The following MECOM variants were observed in gnomAD, a reference collection of about 807,000 sequenced individuals.
The protein encoded by MECOM is MDS1 and EVI1 complex locus.
A neutral mutation model predicts 116.3 loss-of-function variants in MECOM; 13 were observed. That is an observed-to-expected ratio of 0.11 (90% CI 0.07 to 0.18). The LOEUF is 0.18. MECOM is among the 10% of genes least tolerant of loss of function. The pLI is 1.00. For missense variants in MECOM, 1,299 were observed against 1,509.0 expected (o/e 0.86, Z 2.31); for synonymous variants, 528 against 535.2 (o/e 0.99, Z 0.19).
At chr3:169,240,558 T>C (rs1577438819) in intron 2 of MECOM, among the ~76,000 whole-genome samples, 1 of 152,220 alleles carries the variant, frequency 6.6e-6, no homozygotes, top group African/African-American at 2.4e-5. Flanking sequence ...GTCCTCTTTG[T>C]CCTGTTGAGA....
chr3:169,282,698 G>A (rs966516708), intron 2 of MECOM, among the ~76,000 whole-genome samples: 4 of 152,100 alleles, frequency 2.6e-5, no homozygotes, highest in Non-Finnish European at 5.9e-5. Flanking sequence ...ATCTAGAGCT[G>A]TAGTCCTCAA....
chr3:169,326,837 A>G (rs1414778857), intron 2 of MECOM, among the ~76,000 whole-genome samples: 1 of 152,190 alleles, frequency 6.6e-6, no homozygotes, highest in Non-Finnish European at 1.5e-5. Context: ...AAGTACACAT[A>G]TGTTTAATAC....
chr3:169,648,229 T>C (rs1774423006), intron 1 of MECOM, among the ~76,000 whole-genome samples: 1 of 152,220 alleles, frequency 6.6e-6, no homozygotes, highest in African/African-American at 2.4e-5. Context: ...CATTATGCTG[T>C]ATTAGGTATC....
chr3:169,475,595 C>T (rs116648448), intron 1 of MECOM, among the ~76,000 whole-genome samples: 4,568 of 150,892 alleles, frequency 0.03, 109 homozygotes, highest in Non-Finnish European at 0.048. Context: ...TTTTTTTTTC[C>T]GAATCTAATA....
In MECOM at chr3:169,390,338, C is replaced by T. The variant is rs1466248281; in HGVS notation, c.38-8814G>A. Among the ~76,000 whole-genome samples the T allele has an allele frequency of 2.0e-5, 3 of 152,178 alleles. No homozygotes were observed. In the East Asian group the frequency reaches 5.8e-4, roughly 29 times the overall value. ...CATGTAACCTAGGAGAGACTGTGCTCTAGCTGCCTAACCTTGCTCTAACCA... is the reference window on the plus strand; with the variant it reads ...CATGTAACCTAGGAGAGACTGTGCTTTAGCTGCCTAACCTTGCTCTAACCA... On this transcript the variant is annotated intron_variant, in intron 1 of 16. Coordinates refer to ENST00000651503, the MANE Select transcript of MECOM (RefSeq NM_004991.4).
chr3:169,364,729 A>T (rs1728868473), intron 2 of MECOM, among the ~76,000 whole-genome samples: 1 of 152,010 alleles, frequency 6.6e-6, no homozygotes, highest in African/African-American at 2.4e-5. Context: ...CTGCATCTTT[A>T]TCGCTCCCAG....
intron 2 of MECOM, among the ~76,000 whole-genome samples, chr3:169,309,217 G>A (rs1169855116): frequency 6.6e-6 from 1 of 152,138 alleles, no homozygotes; most frequent in African/African-American, 2.4e-5. Flanking sequence ...CAAAGCAGCA[G>A]TACATTCTTT....
chr3:169,182,209 T>A (rs541433465), intron 2 of MECOM, among the ~76,000 whole-genome samples: 1 of 152,362 alleles, frequency 6.6e-6, no homozygotes, highest in East Asian at 1.9e-4. Flanking sequence ...GGCTAACAGC[T>A]ATTATTAAAT....
At chr3:169,191,099 T>G (rs1346131496) in intron 2 of MECOM, among the ~76,000 whole-genome samples, 2 of 151,994 alleles carry the variant, frequency 1.3e-5, no homozygotes, top group Admixed American at 6.6e-5. Context: ...TAGCTGTGCT[T>G]TATCTGAAAA....
intron 2 of MECOM, among the ~76,000 whole-genome samples, chr3:169,272,459 A>G (rs1759070834): frequency 1.3e-5 from 2 of 152,184 alleles, no homozygotes; most frequent in Non-Finnish European, 2.9e-5. Flanking sequence ...TTGTCCCCAG[A>G]ATGTTTTGAG....
intron 1 of MECOM, among the ~76,000 whole-genome samples, chr3:169,382,940 C>A (rs181879380): frequency 1.6e-4 from 24 of 150,266 alleles, no homozygotes; most frequent in African/African-American, 5.6e-4. Context: ...GCCTGGATAA[C>A]CACGAGTTAA....
At chr3:169,439,162 G>GATTAGTATCCAGAATAT (rs1743198636) in intron 1 of MECOM, among the ~76,000 whole-genome samples, 3 of 134,404 alleles carry the variant, frequency 2.2e-5, no homozygotes, top group Middle Eastern at 4.2e-3. Flanking sequence ...ATTAACTAAA[G>GATTAGTATCCAGAATAT]ATTAGTATCC....
intron 2 of MECOM, among the ~76,000 whole-genome samples, chr3:169,332,043 A>G (rs1722836086): frequency 6.6e-6 from 1 of 151,470 alleles, no homozygotes; most frequent in Non-Finnish European, 1.5e-5. Flanking sequence ...AGGTGTTTCT[A>G]CAGACTCTTA....
chr3:169,511,681 A>G (rs921164997), intron 1 of MECOM, among the ~76,000 whole-genome samples: 2 of 151,982 alleles, frequency 1.3e-5, no homozygotes, highest in Admixed American at 1.3e-4. Flanking sequence ...AGGCACTAGA[A>G]TTGCTTGAAC....
intron 2 of MECOM, among the ~76,000 whole-genome samples, chr3:169,317,425 A>G (rs1719954408): frequency 1.3e-5 from 2 of 152,148 alleles, no homozygotes; most frequent in Admixed American, 1.3e-4. Flanking sequence ...CTGTGGCTTG[A>G]GACTTCACTG....
chr3:169,351,396 A>C (rs1356426184), intron 2 of MECOM, among the ~76,000 whole-genome samples: 4 of 151,112 alleles, frequency 2.6e-5, no homozygotes, highest in African/African-American at 9.7e-5. Flanking sequence ...TAAGGTGATA[A>C]ATCTACACAG....
intron 2 of MECOM, among the ~76,000 whole-genome samples, chr3:169,231,465 T>C (rs1253663692): frequency 6.6e-6 from 1 of 151,676 alleles, no homozygotes; most frequent in African/African-American, 2.4e-5. Flanking sequence ...CTATGGTGAG[T>C]GAGATGAAGG....
intron 16 of MECOM, 68 bp from the exon 17 acceptor site, chr3:169,085,111 T>G: frequency 1.3e-6 from 2 of 1,593,330 alleles, no homozygotes; most frequent in Non-Finnish European, 1.7e-6. Flanking sequence ...TCAAAGAATA[T>G]TGTTGGTAAA....
intron 1 of MECOM, among the ~76,000 whole-genome samples, chr3:169,602,919 A>G (rs1767994363): frequency 6.6e-6 from 1 of 152,188 alleles, no homozygotes; most frequent in Admixed American, 6.5e-5. Flanking sequence ...TGTTTATTAT[A>G]TGTGGTGAAT....
Sources: allele counts gnomAD v4.1 joint callset (sites outside exome capture counted in the v4.1 genomes callset), GRCh38; gene constraint gnomAD v4.1.1; transcripts MANE v1.5; gene names NCBI Gene and HGNC (gene_info 2026-07-23, HGNC 2026-07-21).